The following UPRT variants were observed in gnomAD, a reference collection of about 807,000 sequenced individuals.
UPRT encodes uracil phosphoribosyltransferase homolog, also known as RP11-311P8.3.
In UPRT, 5 loss-of-function variants were observed where a neutral mutation model predicts 22.6. The observed-to-expected ratio is 0.22, with a 90% confidence interval of 0.12 to 0.47. The LOEUF (loss-of-function observed/expected upper bound fraction) is 0.47. Among genes scored for constraint, UPRT ranks in the 20% least tolerant of loss-of-function variants. UPRT has a pLI of 0.99. For missense variants in UPRT, 181 were observed against 239.9 expected (o/e 0.75, Z 1.62); for synonymous variants, 77 against 87.7 (o/e 0.88, Z 0.68).
exon 1 of UPRT, among the ~76,000 whole-genome samples, chrX:75,156,499 G>C (rs1217788956): frequency 9.0e-6 from 1 of 111,645 alleles, no homozygotes; most frequent in East Asian, 2.8e-4. Context: ...GAGTAACACT[G>C]TATTTTTCTC....
chrX:75,234,750 C>T lies in UPRT; in HGVS notation c.-446-56274C>T, dbSNP rs1187318995. 6.3e-5 allele frequency among the ~76,000 whole-genome samples: 7 copies of T among 110,637 alleles called. No individual in the cohort carries two copies. In the Admixed American group the frequency reaches 6.7e-4, roughly 11 times the overall value. On this transcript the variant is annotated intron_variant, in intron 4 of 13. Transcript: ENST00000652605. ...TCTTTGAAACCAACGAGAACAAAGA[C>T]ACAACATACCAGAATCTCTGGGACA... is the stretch of plus-strand genomic sequence containing the variant.
chrX:75,253,151 C>G (rs1034500142), intron 4 of UPRT, among the ~76,000 whole-genome samples: 8 of 111,135 alleles, frequency 7.2e-5, no homozygotes, highest in Non-Finnish European at 1.5e-4. Flanking sequence ...ATTAACAAAC[C>G]TGCACGTTGT....
chrX:75,172,950 G>T (rs906905777), intron 4 of UPRT, among the ~76,000 whole-genome samples: 1 of 111,276 alleles, frequency 9.0e-6, no homozygotes, highest in East Asian at 2.8e-4. Context: ...TGAGCGGGTT[G>T]CACTGCTGGC....
chrX:75,201,316 T>C (rs886100807), intron 4 of UPRT, among the ~76,000 whole-genome samples: 2 of 112,874 alleles, frequency 1.8e-5, no homozygotes, highest in Non-Finnish European at 3.7e-5. Context: ...ACTTCTTTTA[T>C]GGCACCTGTT....
chrX:75,215,401 A>T (rs2082389960), intron 4 of UPRT, among the ~76,000 whole-genome samples: 1 of 111,814 alleles, frequency 8.9e-6, no homozygotes, highest in South Asian at 3.7e-4. Context: ...TGACAACAGG[A>T]TATTAATAAA....
intron 4 of UPRT, among the ~76,000 whole-genome samples, chrX:75,263,570 C>T (rs979813695): frequency 5.4e-5 from 6 of 111,244 alleles, no homozygotes; most frequent in African/African-American, 1.6e-4. Flanking sequence ...GTGATATATC[C>T]TTTATCATTT....
upstream of UPRT, among the ~76,000 whole-genome samples, chrX:75,272,664 A>G (rs2082615381): frequency 9.2e-6 from 1 of 108,605 alleles, no homozygotes; most frequent in Admixed American, 1.0e-4. Flanking sequence ...ATGCACCAAA[A>G]TCTCTCAAAT....
At chrX:75,195,174 G>A (rs762960891) in intron 4 of UPRT, among the ~76,000 whole-genome samples, 4 of 112,493 alleles carry the variant, frequency 3.6e-5, no homozygotes, top group South Asian at 3.7e-4. Flanking sequence ...GGGTGGGCTG[G>A]TATGTGCCCA....
At chrX:75,221,356 A>G (rs1444569433) in intron 4 of UPRT, among the ~76,000 whole-genome samples, 1 of 110,951 alleles carries the variant, frequency 9.0e-6, no homozygotes, top group African/African-American at 3.3e-5. Flanking sequence ...AAATATTGAT[A>G]TCTTTCTGTA....
At chrX:75,274,724 A>G (rs2082624370) in intron 1 of UPRT, 84 bp downstream of exon 1, 1 of 1,065,272 alleles carries the variant, frequency 9.4e-7, no homozygotes, top group East Asian at 3.3e-5. Context: ...GCTAAGAGAC[A>G]GTGTTCTTGG....
At chrX:75,234,311 G>C (rs1200097540) in intron 4 of UPRT, among the ~76,000 whole-genome samples, 2 of 110,665 alleles carry the variant, frequency 1.8e-5, no homozygotes, top group African/African-American at 6.6e-5. Flanking sequence ...CTACAAAAAG[G>C]CTTAGACTCC....
At chrX:75,174,901 C>T (rs12008061) in intron 4 of UPRT, among the ~76,000 whole-genome samples, 3,207 of 111,276 alleles carry the variant, frequency 0.029, 117 homozygotes, top group African/African-American at 0.1. Context: ...TTTCTCTCTT[C>T]GACTTCTTTT....
At chrX:75,265,499 C>T (rs1046957425) in intron 4 of UPRT, among the ~76,000 whole-genome samples, 4 of 112,138 alleles carry the variant, frequency 3.6e-5, no homozygotes, top group Non-Finnish European at 7.5e-5. Flanking sequence ...GCCTTTGTCA[C>T]GTAGTTCTTG....
At chrX:75,291,520 A>G (rs1221806230) in intron 1 of UPRT, 1 of 248,098 alleles carries the variant, frequency 4.0e-6, no homozygotes, top group Non-Finnish European at 7.4e-6. Flanking sequence ...GTTGTGTCTA[A>G]AATAGAGCCT....
intron 1 of UPRT, 181 bp downstream of exon 1, chrX:75,274,821 G>T: frequency 2.2e-6 from 1 of 447,029 alleles, no homozygotes; most frequent in Non-Finnish European, 3.4e-6. Flanking sequence ...TGTGTGTCGT[G>T]TAACTCGAAC....
chrX:75,275,030 G>C (rs1457596088), intron 1 of UPRT, among the ~76,000 whole-genome samples: 2 of 110,817 alleles, frequency 1.8e-5, no homozygotes, highest in African/African-American at 6.6e-5. Context: ...ACTATCCAAG[G>C]TTATGCACTA....
chrX:75,273,002 AT>A (rs1478990367), upstream of UPRT, among the ~76,000 whole-genome samples: 1 of 112,348 alleles, frequency 8.9e-6, no homozygotes, highest in Non-Finnish European at 1.9e-5. Flanking sequence ...ACCATAAAAA[AT>A]AATGAGATCA....
At chrX:75,204,749 C>T (rs376609361) in intron 4 of UPRT, among the ~76,000 whole-genome samples, 3 of 111,516 alleles carry the variant, frequency 2.7e-5, no homozygotes, top group African/African-American at 6.5e-5. Flanking sequence ...AAGGAGAGCC[C>T]TTGATTTGGC....
chrX:75,237,962 G>T (rs762799966), intron 4 of UPRT, among the ~76,000 whole-genome samples: 1 of 110,736 alleles, frequency 9.0e-6, no homozygotes, highest in South Asian at 3.8e-4. Flanking sequence ...AATAAAAAAA[G>T]GAATGTTAAA....
Sources: allele counts gnomAD v4.1 joint callset (sites outside exome capture counted in the v4.1 genomes callset), GRCh38; gene constraint gnomAD v4.1.1; transcripts MANE v1.5; gene names NCBI Gene and HGNC (gene_info 2026-07-23, HGNC 2026-07-21).